The following DAB1 variants were observed in gnomAD, a reference collection of about 807,000 sequenced individuals.
DAB1 encodes the protein DAB adaptor protein 1.
DAB1 carries 15 observed loss-of-function variants against 64.6 expected under a neutral mutation model. That is an observed-to-expected ratio of 0.23 (90% CI 0.16 to 0.36). The LOEUF (loss-of-function observed/expected upper bound fraction) is 0.36, where lower values mean the gene tolerates loss of function less well. DAB1 is among the 10% of genes least tolerant of loss of function. DAB1 has a pLI of 1.00. For missense variants in DAB1, 596 were observed against 706.7 expected (o/e 0.84, Z 1.78); for synonymous variants, 235 against 251.9 (o/e 0.93, Z 0.64).
chr1:57,735,110 A>G (rs2101780403), intron 6 of DAB1, among the ~76,000 whole-genome samples: 1 of 152,314 alleles, frequency 6.6e-6, no homozygotes, highest in South Asian at 2.1e-4. Flanking sequence ...TCAGTCCTTC[A>G]ATTCCCCAAT....
chr1:57,571,649 C>T (rs1645195238), intron 7 of DAB1, among the ~76,000 whole-genome samples: 2 of 152,206 alleles, frequency 1.3e-5, no homozygotes, highest in South Asian at 4.1e-4. Flanking sequence ...AAACGACCAT[C>T]TGTTCCTAAT....
intron 6 of DAB1, among the ~76,000 whole-genome samples, chr1:57,754,024 C>G (rs1396640530): frequency 6.6e-6 from 1 of 152,138 alleles, no homozygotes; most frequent in Non-Finnish European, 1.5e-5. Context: ...AACTAACTTG[C>G]CGTGGGTCAC....
intron 5 of DAB1, among the ~76,000 whole-genome samples, chr1:57,950,234 GATAATA>G (rs2100233099): frequency 6.6e-6 from 1 of 152,126 alleles, no homozygotes; most frequent in East Asian, 1.9e-4. Context: ...GTAAAATATT[GATAATA>G]ATAATATCTA....
At chr1:57,608,300 C>A (rs1173964609) in intron 7 of DAB1, among the ~76,000 whole-genome samples, 1 of 152,072 alleles carries the variant, frequency 6.6e-6, no homozygotes, top group Non-Finnish European at 1.5e-5. Flanking sequence ...GTAAGATCAC[C>A]TCCAGCTCTG....
chr1:57,578,576 T>A (rs1645277545), intron 7 of DAB1, among the ~76,000 whole-genome samples: 1 of 152,328 alleles, frequency 6.6e-6, no homozygotes, highest in South Asian at 2.1e-4. Context: ...TTAACATCTC[T>A]GAATCTCAAC....
intron 5 of DAB1, among the ~76,000 whole-genome samples, chr1:58,025,651 G>GTATATATATA (rs763787466): frequency 6.1e-4 from 46 of 75,282 alleles, no homozygotes; most frequent in African/African-American, 1.6e-3. Flanking sequence ...ATATATGTGT[G>GTATATATATA]TATATATATA....
At chr1:57,271,592 T>A (rs1210232074) in intron 2 of DAB1, among the ~76,000 whole-genome samples, 2 of 152,118 alleles carry the variant, frequency 1.3e-5, no homozygotes, top group Non-Finnish European at 2.9e-5. Context: ...GGGGACATGG[T>A]CTGGTAGAGA....
intron 4 of DAB1, among the ~76,000 whole-genome samples, chr1:58,236,048 G>T (rs903448709): frequency 2.6e-5 from 4 of 152,070 alleles, no homozygotes; most frequent in African/African-American, 9.7e-5. Context: ...GCAGAAAGAC[G>T]AGAGCAAGGC....
chr1:58,237,153 G>T (rs1216189532), intron 4 of DAB1, among the ~76,000 whole-genome samples: 1 of 152,184 alleles, frequency 6.6e-6, no homozygotes, highest in Non-Finnish European at 1.5e-5. Flanking sequence ...GGAGAAACAG[G>T]CACAGAAGGA....
intron 2 of DAB1, among the ~76,000 whole-genome samples, chr1:58,511,205 T>C (rs1210779444): frequency 1.3e-5 from 2 of 152,202 alleles, no homozygotes; most frequent in African/African-American, 4.8e-5. Flanking sequence ...AGAGGCATCA[T>C]GCTTCCTGAT....
intron 4 of DAB1, among the ~76,000 whole-genome samples, chr1:57,074,698 G>T (rs1473202783): frequency 1.3e-5 from 2 of 152,086 alleles, no homozygotes; most frequent in African/African-American, 4.8e-5. Flanking sequence ...CTGCCCACTG[G>T]CCACTGGATA....
chr1:57,780,926 C>T (rs970507936), intron 6 of DAB1, among the ~76,000 whole-genome samples: 23 of 151,306 alleles, frequency 1.5e-4, no homozygotes, highest in Admixed American at 2.6e-4. Context: ...CAGGATTTTG[C>T]CATGTTGGCC....
rs569935177 is a variant in DAB1, at chr1:58,020,960, G to A, written n.387+129551C>T. 2.1e-4 allele frequency among the ~76,000 whole-genome samples: 32 copies of A among 152,230 alleles called. 1 individual carries two copies. Among genetic ancestry groups the A allele is most frequent in the African/African-American group, 5.8e-4 (24 of 41,530 alleles). ...GGAGGTTTCAGTGAGCAGAGATCAC[G>A]CCACTGTACTCCTGCACTCCAGCCT... On this transcript the variant is annotated intron_variant and non_coding_transcript_variant, in intron 5 of 20. Transcript: ENST00000485760.
chr1:57,309,878 T>A (rs766068247), intron 1 of DAB1, among the ~76,000 whole-genome samples: 16 of 152,060 alleles, frequency 1.1e-4, no homozygotes, highest in Non-Finnish European at 1.8e-4. Flanking sequence ...TGACTTTCAG[T>A]GATCACAAGA....
chr1:57,729,198 G>A (rs185627360), intron 6 of DAB1, among the ~76,000 whole-genome samples: 2 of 152,342 alleles, frequency 1.3e-5, no homozygotes, highest in Middle Eastern at 3.4e-3. Context: ...CTGCCCTGGT[G>A]TGGGGCAACG....
intron 7 of DAB1, among the ~76,000 whole-genome samples, chr1:57,609,647 C>G (rs567935929): frequency 6.6e-6 from 1 of 152,228 alleles, no homozygotes; most frequent in Non-Finnish European, 1.5e-5. Flanking sequence ...GATAGATAGT[C>G]GCTGGTTTTT....
chr1:57,213,869 A>G (rs1055433712), intron 2 of DAB1, among the ~76,000 whole-genome samples: 2 of 152,130 alleles, frequency 1.3e-5, no homozygotes, highest in Non-Finnish European at 1.5e-5. Context: ...TTCTTTCCCT[A>G]TAAAATTCCA....
At chr1:57,545,081 C>T (rs1297735586) in intron 7 of DAB1, among the ~76,000 whole-genome samples, 1 of 152,220 alleles carries the variant, frequency 6.6e-6, no homozygotes, top group Non-Finnish European at 1.5e-5. Context: ...GGCTACCTCT[C>T]TGATCCCATT....
intron 1 of DAB1, among the ~76,000 whole-genome samples, chr1:57,348,005 T>A (rs1678257855): frequency 6.6e-6 from 1 of 152,192 alleles, no homozygotes; most frequent in African/African-American, 2.4e-5. Context: ...AACTTGAAAC[T>A]TTCCAGGTTC....
Sources: allele counts gnomAD v4.1 joint callset (sites outside exome capture counted in the v4.1 genomes callset), GRCh38; gene constraint gnomAD v4.1.1; transcripts MANE v1.5; gene names NCBI Gene and HGNC (gene_info 2026-07-23, HGNC 2026-07-21).